The following GRIA2 variants were observed in gnomAD, a reference collection of about 807,000 sequenced individuals.
The protein encoded by GRIA2 is glutamate receptor 2.
In GRIA2, 14 loss-of-function variants were observed where a neutral mutation model predicts 97.3. The ratio of observed to expected loss-of-function variants is 0.14; its 90% CI spans 0.10 to 0.23. GRIA2 has a LOEUF of 0.23. GRIA2 is among the 10% of genes least tolerant of loss of function. The probability of loss-of-function intolerance (pLI) is 1.00; values close to 1 mark genes in which losing one functional copy is unlikely to be tolerated. For missense variants in GRIA2, 558 were observed against 1,069.8 expected (o/e 0.52, Z 6.67); for synonymous variants, 412 against 387.8 (o/e 1.06, Z -0.73).
chr4:157,355,789 ATTAG>A (rs1242109841), intron 12 of GRIA2, among the ~76,000 whole-genome samples: 1 of 95,474 alleles, frequency 1.0e-5, no homozygotes, highest in Non-Finnish European at 1.9e-5. Context: ...ATTTATATAT[ATTAG>A]TTATATATAT....
chr4:157,247,735 A>C (rs1730795512), intron 2 of GRIA2, among the ~76,000 whole-genome samples: 1 of 152,122 alleles, frequency 6.6e-6, no homozygotes, highest in Non-Finnish European at 1.5e-5. Context: ...GAAATGGTAC[A>C]GCTCTGACTT....
At chr4:157,268,699 AGT>A (rs923026758) in intron 2 of GRIA2, among the ~76,000 whole-genome samples, 4 of 152,004 alleles carry the variant, frequency 2.6e-5, no homozygotes, top group African/African-American at 9.7e-5. Flanking sequence ...TTCTTAATCT[AGT>A]AGATCCTACT....
chr4:157,343,213 T>C (rs951699496), intron 12 of GRIA2, among the ~76,000 whole-genome samples: 6 of 152,064 alleles, frequency 3.9e-5, no homozygotes, highest in Admixed American at 3.3e-4. Flanking sequence ...GTTAGGCAAA[T>C]TGATGACTTC....
intron 1 of GRIA2, 93 bp from the exon 2 acceptor site, chr4:157,221,574 G>C (rs1729494817): frequency 7.7e-7 from 1 of 1,303,572 alleles, no homozygotes; most frequent in Non-Finnish European, 1.1e-6. Flanking sequence ...GCGTGAATAA[G>C]AGACTCTTGG....
At chr4:157,235,371 G>A (rs774825788) in intron 2 of GRIA2, among the ~76,000 whole-genome samples, 2 of 151,818 alleles carry the variant, frequency 1.3e-5, no homozygotes, top group Non-Finnish European at 2.9e-5. Context: ...TCTTTTCTTT[G>A]TGGCAAAAGT....
chr4:157,304,201 G>C (rs778523781), intron 3 of GRIA2, among the ~76,000 whole-genome samples: 15 of 152,116 alleles, frequency 9.9e-5, no homozygotes, highest in Non-Finnish European at 1.6e-4. Flanking sequence ...GTTTTATCAG[G>C]CAGGTAGCAT....
At chr4:157,250,317 T>C (rs1445319415) in intron 2 of GRIA2, among the ~76,000 whole-genome samples, 1 of 152,162 alleles carries the variant, frequency 6.6e-6, no homozygotes, top group East Asian at 1.9e-4. Flanking sequence ...CAAATTATTA[T>C]ATCTTAGGAG....
At chr4:157,312,538 A>G (rs1029077317) in intron 3 of GRIA2, 141 bp from the exon 4 acceptor site, 30 of 507,964 alleles carry the variant, frequency 5.9e-5, no homozygotes, top group Non-Finnish European at 9.0e-5. Context: ...GATCATAGCT[A>G]TAGCTTTTTT....
intron 4 of GRIA2, among the ~76,000 whole-genome samples, chr4:157,314,963 G>A (rs1734246391): frequency 6.6e-6 from 1 of 152,198 alleles, no homozygotes; most frequent in Non-Finnish European, 1.5e-5. Context: ...AATGTACACA[G>A]ACAGCACTAC....
At position 157,286,549 on chromosome 4, in the gene GRIA2, A is replaced by G. The variant is rs573138206; in HGVS notation, c.230-17003A>G. 9.9e-5 allele frequency among the ~76,000 whole-genome samples: 15 copies of G among 151,650 alleles called. 1 individual carries two copies. The East Asian group carries it at 2.9e-3, about 29-fold the overall frequency. On this transcript the variant is annotated intron_variant, in intron 2 of 15. Transcript: ENST00000264426. ...TTAAAGAGGACTTGGCATCTTTATA[A>G]TATCATCTTTCTATCCATGAAAATA...
chr4:157,334,185 C>G (rs1175621042), intron 9 of GRIA2, 65 bp downstream of exon 9: 2 of 801,834 alleles, frequency 2.5e-6, no homozygotes, highest in Non-Finnish European at 4.5e-6. Context: ...GCAGGAGTAG[C>G]TATTTATATT....
rs563475505 is a variant in GRIA2, at chr4:157,335,739, C to T, written c.1335C>T (p.Tyr445=). The change falls in exon 10 of 16, where the codon TAC becomes TAT. Residue 445 remains tyrosine, a synonymous_variant. Coordinates refer to ENST00000264426, the MANE Select transcript of GRIA2 (RefSeq NM_001083619.3). ...AAGGCAATGAGCGCTATGAGGGCTA[C>T]TGTGTTGACCTGGCTGCAGAAATCG... ...MLEGNERYEG[Y]CVDLAAEIAK... 7 of 1,612,474 alleles carry T rather than the reference C, an allele frequency of 4.3e-6. No individual in the cohort carries two copies. The East Asian group carries it at 6.7e-5, about 15-fold the overall frequency.
chr4:157,263,511 T>A (rs2126773774), intron 2 of GRIA2, among the ~76,000 whole-genome samples: 1 of 152,186 alleles, frequency 6.6e-6, no homozygotes, highest in Non-Finnish European at 1.5e-5. Context: ...TTCTATTCTA[T>A]TTTATTGGAA....
chr4:157,335,891 T>C lies in GRIA2; in HGVS notation c.1473+14T>C. On this transcript the variant is annotated intron_variant, in intron 10 of 15. Transcript: ENST00000264426. ...CTTGTATATGGGGTAAGTATAGCTC[T>C]TCTCATAGATAAAGTCATTCAATTT... The C allele has an allele frequency of 6.7e-7, 1 of 1,490,700 alleles. No homozygotes were observed. The highest frequency in any genetic ancestry group is 1.1e-5 in the South Asian group (1 of 87,316). 92.3% of individuals were successfully genotyped at this position (1,490,700 alleles called of 1,614,324 possible). A position where few individuals can be genotyped will look rare whatever the true frequency, so the allele number is the denominator to read the frequency against.
At chr4:157,321,106 G>A (rs1261553662) in intron 5 of GRIA2, among the ~76,000 whole-genome samples, 1 of 152,070 alleles carries the variant, frequency 6.6e-6, no homozygotes, top group African/African-American at 2.4e-5. Context: ...GTGGTTCTCC[G>A]CTGTAGACCA....
At chr4:157,284,576 C>T (rs917265910) in intron 2 of GRIA2, among the ~76,000 whole-genome samples, 7 of 151,632 alleles carry the variant, frequency 4.6e-5, no homozygotes, top group Non-Finnish European at 1.0e-4. Context: ...GAGTTCCTTC[C>T]ACTATTGTAT....
At chr4:157,320,422 T>C (rs1031675961) in intron 5 of GRIA2, among the ~76,000 whole-genome samples, 4 of 152,116 alleles carry the variant, frequency 2.6e-5, no homozygotes, top group African/African-American at 9.7e-5. Context: ...AAAGCAAATA[T>C]ATTAAAATTG....
In GRIA2 at chr4:157,336,436, C is replaced by T. The variant is rs1377210515; in HGVS notation, c.1533C>T (p.Asp511=). The change falls in exon 11 of 16, where the codon GAC becomes GAT. Residue 511 remains aspartate (D), a synonymous_variant. Coordinates refer to ENST00000264426, the MANE Select transcript of GRIA2 (RefSeq NM_001083619.3). ...TITLVREEVI[D]FSKPFMSLGI... is the part of the protein sequence containing the mutation. ...CCCTTGTGAGAGAAGAGGTGATTGA[C>T]TTCTCAAAGCCCTTCATGAGCCTCG... 6.2e-7 allele frequency: 1 copy of T among 1,607,030 alleles called. No individual in the cohort carries two copies. The highest frequency in any genetic ancestry group is 1.7e-5 in the Admixed American group (1 of 59,078).
intron 12 of GRIA2, among the ~76,000 whole-genome samples, chr4:157,353,408 C>A (rs184748012): frequency 6.6e-6 from 1 of 151,608 alleles, no homozygotes; most frequent in Admixed American, 6.6e-5. Context: ...TGGTGGCTCA[C>A]GCCTGTAATC....
Sources: gnomAD v4.1 joint callset for allele counts (sites outside exome capture counted in the v4.1 genomes callset) on GRCh38, gnomAD v4.1.1 for gene constraint, MANE v1.5 for transcripts, NCBI Gene and HGNC (gene_info 2026-07-23, HGNC 2026-07-21) for gene names.